The following SIK2 variants were observed in gnomAD, a reference collection of about 807,000 sequenced individuals.
SIK2 encodes serine/threonine-protein kinase SIK2.
Under a neutral mutation model 103.2 loss-of-function variants are expected in SIK2, and 29 were observed. The ratio of observed to expected loss-of-function variants is 0.28; its 90% confidence interval spans 0.21 to 0.38. The LOEUF (loss-of-function observed/expected upper bound fraction) is 0.38. Among genes scored for constraint, SIK2 ranks in the 10% least tolerant of loss-of-function variants. The pLI is 1.00. For synonymous variants in SIK2, 412 were observed against 446.1 expected, an observed-to-expected ratio of 0.92 and a Z score of 0.96; for missense variants, 879 against 1,171.0, an observed-to-expected ratio of 0.75 and a Z score of 3.64.
intron 3 of SIK2, among the ~76,000 whole-genome samples, chr11:111,681,016 A>C (rs1378148168): frequency 6.6e-6 from 1 of 152,196 alleles, no homozygotes; most frequent in African/African-American, 2.4e-5. Context: ...GTGGTAATGA[A>C]GTTTATAAAA....
At chr11:111,658,428 G>GA (rs1419502227) in intron 3 of SIK2, among the ~76,000 whole-genome samples, 1 of 152,026 alleles carries the variant, frequency 6.6e-6, no homozygotes, top group Non-Finnish European at 1.5e-5. Flanking sequence ...ACTGGGCCTG[G>GA]AAAGATTAAT....
chr11:111,624,906 A>C (rs990047081), intron 3 of SIK2, among the ~76,000 whole-genome samples: 1 of 152,208 alleles, frequency 6.6e-6, no homozygotes, highest in Non-Finnish European at 1.5e-5. Context: ...TTTAAAGCAC[A>C]GTCATGTCGA....
At chr11:111,646,731 C>T (rs548927699) in intron 3 of SIK2, among the ~76,000 whole-genome samples, 5 of 152,258 alleles carry the variant, frequency 3.3e-5, no homozygotes, top group Non-Finnish European at 5.9e-5. Context: ...TTAATTTTGT[C>T]TGGTTTCTTT....
At chr11:111,699,277 C>T (rs998057971) in intron 4 of SIK2, among the ~76,000 whole-genome samples, 3 of 152,156 alleles carry the variant, frequency 2.0e-5, no homozygotes, top group African/African-American at 7.2e-5. Context: ...CCCAGATGTA[C>T]CCTCTTTTCT....
At chr11:111,641,278 C>T (rs1027230053) in intron 3 of SIK2, among the ~76,000 whole-genome samples, 4 of 152,166 alleles carry the variant, frequency 2.6e-5, no homozygotes, top group African/African-American at 9.7e-5. Flanking sequence ...AATCCATAAC[C>T]TGAGCCTTTA....
chr11:111,717,041 G>A (rs1298817329), intron 9 of SIK2, among the ~76,000 whole-genome samples: 2 of 152,144 alleles, frequency 1.3e-5, no homozygotes, highest in African/African-American at 2.4e-5. Context: ...GCGGCCGGGT[G>A]TGGTGGCTCA....
intron 10 of SIK2, among the ~76,000 whole-genome samples, 165 bp downstream of exon 10, chr11:111,720,168 A>G (rs1172366935): frequency 6.6e-6 from 1 of 152,216 alleles, no homozygotes. Context: ...GGCAGCAGCT[A>G]TCAAAGGTGA....
rs1943314773 is a variant in SIK2 at position 111,705,188 on chromosome 11, A to G, written c.1101+49A>G. 5.4e-6 allele frequency: 8 copies of G among 1,471,722 alleles called. No homozygotes were observed. The highest frequency in any genetic ancestry group is 7.2e-6 in the Non-Finnish European group (8 of 1,117,550). The allele number at this position is 1,471,722 out of a possible 1,614,324, so 91.2% of individuals were successfully genotyped here. A position where few individuals can be genotyped will look rare whatever the true frequency, so the allele number is the denominator to read the frequency against. ...CTTATCTGTGCATGTGCCTGTTCAC[A>G]TGTTTGATACATTTTTCATCTTATA... On this transcript the variant is annotated intron_variant, in intron 8 of 14. Transcript: ENST00000304987. The surrounding 1 kb of genome is among the most constrained non-coding windows in gnomAD (Gnocchi z 4.3).
chr11:111,681,083 G>A (rs1449267965), intron 3 of SIK2, among the ~76,000 whole-genome samples: 2 of 152,178 alleles, frequency 1.3e-5, no homozygotes, highest in African/African-American at 4.8e-5. Context: ...ATCTGTATAA[G>A]TATATAATTA....
rs1943979679 is a variant in SIK2, at chr11:111,726,725, TAAG to T, written c.*2600_*2602del. On this transcript the variant is annotated 3_prime_UTR_variant, in exon 15 of 15. Coordinates refer to ENST00000304987, the MANE Select transcript of SIK2 (RefSeq NM_015191.3). ...TCATCACTACTAACAAACAAAACAC[TAAG>T]AAGGCTTAGTATCGCTCTTTTTCTG... is the stretch of plus-strand genomic sequence containing the variant. 1.9e-6 allele frequency: 1 copy of T among 527,668 alleles called. No individual in the cohort carries two copies. The highest frequency in any genetic ancestry group is 3.4e-6 in the Non-Finnish European group (1 of 294,800). The allele number at this position is 527,668 out of a possible 1,614,324, so 32.7% of individuals were successfully genotyped here.
intron 3 of SIK2, among the ~76,000 whole-genome samples, chr11:111,680,774 A>C (rs1483849090): frequency 1.3e-5 from 2 of 152,256 alleles, no homozygotes; most frequent in Non-Finnish European, 2.9e-5. Flanking sequence ...GACGATGATG[A>C]TAGCAACTAA....
At chr11:111,649,870 T>A (rs964779585) in intron 3 of SIK2, among the ~76,000 whole-genome samples, 10 of 152,142 alleles carry the variant, frequency 6.6e-5, no homozygotes, top group African/African-American at 2.2e-4. Context: ...AATAGCTCTA[T>A]TTTTTTAAAA....
chr11:111,678,005 C>T (rs1404898505), intron 3 of SIK2, among the ~76,000 whole-genome samples: 4 of 152,190 alleles, frequency 2.6e-5, no homozygotes, highest in Non-Finnish European at 5.9e-5. Flanking sequence ...TACAGACCCC[C>T]TTGTTAGGCC....
intron 2 of SIK2, among the ~76,000 whole-genome samples, chr11:111,618,894 T>C (rs1941845217): frequency 6.6e-6 from 1 of 151,960 alleles, no homozygotes; most frequent in Admixed American, 6.6e-5. Context: ...CCACTATACC[T>C]GGCTCATTTT....
chr11:111,640,928 G>C (rs866177319), intron 3 of SIK2, among the ~76,000 whole-genome samples: 1 of 151,834 alleles, frequency 6.6e-6, no homozygotes, highest in South Asian at 2.1e-4. Flanking sequence ...TAGAGACGGG[G>C]TTTCACCATG....
chr11:111,622,356 C>T (rs192868560), intron 3 of SIK2, among the ~76,000 whole-genome samples: 1,880 of 150,388 alleles, frequency 0.013, 49 homozygotes, highest in African/African-American at 0.043. Context: ...CCCAGGTTCA[C>T]GCCATTCTCC....
rs1271358533 is a variant in SIK2 at position 111,728,207 on chromosome 11, A to C, written c.*4078A>C. ...TTTGTGCCTAAACATGAAAGGTGAAAATTGGAGAACAGGGAAGCTCGTAAG... is the reference window on the plus strand; with the variant it reads ...TTTGTGCCTAAACATGAAAGGTGAACATTGGAGAACAGGGAAGCTCGTAAG... On this transcript the variant is annotated 3_prime_UTR_variant, in exon 15 of 15. Transcript: ENST00000304987. The C allele has an allele frequency of 6.6e-6, 1 of 152,160 alleles. No individual in the cohort carries two copies. Among genetic ancestry groups the C allele is most frequent in the Non-Finnish European group, 1.5e-5 (1 of 68,034 alleles). 9.4% of individuals were successfully genotyped at this position (152,160 alleles called of 1,614,324 possible).
At chr11:111,707,865 C>T (rs1033537533) in intron 8 of SIK2, among the ~76,000 whole-genome samples, 3 of 152,256 alleles carry the variant, frequency 2.0e-5, no homozygotes, top group Non-Finnish European at 4.4e-5. Context: ...TGAGTGACTT[C>T]GGGCAAGTCA....
At position 111,666,144 on chromosome 11, in the gene SIK2, A is replaced by G. The variant is rs1269723983; in HGVS notation, c.317-21857A>G. On this transcript the variant is annotated intron_variant, in intron 3 of 14. Transcript: ENST00000304987. ...CCACCTCTACCTCCCCGCAACCTCA[A>G]GGAGATGTTGGTGCAGTGAAATATT... is the stretch of plus-strand genomic sequence containing the variant. 2.6e-5 allele frequency among the ~76,000 whole-genome samples: 4 copies of G among 152,332 alleles called. No individual in the cohort carries two copies. The East Asian group carries it at 7.7e-4, about 29-fold the overall frequency.
Sources: allele counts gnomAD v4.1 joint callset (sites outside exome capture counted in the v4.1 genomes callset), GRCh38; gene constraint gnomAD v4.1.1; non-coding constraint Gnocchi (gnomAD v3.1); transcripts MANE v1.5; gene names NCBI Gene and HGNC (gene_info 2026-07-23, HGNC 2026-07-21).